UGGT2: variants seen among roughly 807,000 people sequenced by gnomAD.
UGGT2 encodes the protein UDP-glucose glycoprotein glucosyltransferase 2, also known as UDP-glucose:glycoprotein glucosyltransferase 2.
Under a neutral mutation model 192.1 loss-of-function variants are expected in UGGT2, and 180 were observed. That is an observed-to-expected ratio of 0.94 (90% CI 0.83 to 1.06). The LOEUF is 1.06. Among genes scored for constraint, UGGT2 ranks in the 50% least tolerant of loss-of-function variants. The probability of loss-of-function intolerance (pLI) is 0.00; values close to 1 mark genes in which losing one functional copy is unlikely to be tolerated. For synonymous variants in UGGT2, 580 were observed against 591.0 expected (o/e 0.98, Z 0.27); for missense variants, 1,849 against 1,795.7 (o/e 1.03, Z -0.54).
At chr13:95,932,354 T>A (rs1215736066) in intron 17 of UGGT2, among the ~76,000 whole-genome samples, 1 of 147,620 alleles carries the variant, frequency 6.8e-6, no homozygotes, top group Non-Finnish European at 1.5e-5. Context: ...TGTGTGTGTA[T>A]GGCTATTGTA....
chr13:95,839,422 A>T (rs1173817798), intron 36 of UGGT2, among the ~76,000 whole-genome samples: 2 of 152,228 alleles, frequency 1.3e-5, no homozygotes, highest in Non-Finnish European at 2.9e-5. Flanking sequence ...GGCTTCTGTC[A>T]GCACAATGTT....
At chr13:96,032,279 T>C (rs1427824312) in intron 1 of UGGT2, among the ~76,000 whole-genome samples, 1 of 152,046 alleles carries the variant, frequency 6.6e-6, no homozygotes, top group Non-Finnish European at 1.5e-5. Context: ...TCTTGCCATA[T>C]GAAATGCCAC....
In UGGT2 at chr13:95,970,241, T is replaced by C. The variant is rs2050729318; in HGVS notation, c.1206A>G (p.Leu402=). 6.2e-7 allele frequency: 1 copy of C among 1,612,656 alleles called. No individual in the cohort carries two copies. The highest frequency in any genetic ancestry group is 8.5e-7 in the Non-Finnish European group (1 of 1,179,162). ...GAAGGCCATTCATCATTTTTCCTTC[T>C]AATTTCAGCATATCCAAAATACTAT... The part of the protein sequence containing the change: ...DAFSILDMLK[L]EGKMMNGLRN... The change falls in exon 12 of 39, where the codon TTA becomes TTG. Residue 402 remains leucine (L), a synonymous_variant. Coordinates refer to ENST00000376747, the MANE Select transcript of UGGT2 (RefSeq NM_020121.4).
At chr13:96,053,056 C>G in intron 1 of UGGT2, 99 bp downstream of exon 1, 4 of 1,376,902 alleles carry the variant, frequency 2.9e-6, no homozygotes, top group Admixed American at 3.4e-5. Context: ...CTGGAGAACC[C>G]GGGTGGGAGC....
At chr13:95,972,456 T>C in intron 11 of UGGT2, 124 bp downstream of exon 11, 2 of 906,842 alleles carry the variant, frequency 2.2e-6, no homozygotes, top group Non-Finnish European at 3.3e-6. Flanking sequence ...AAAGCTGTTT[T>C]GTACAATCAA....
intron 20 of UGGT2, among the ~76,000 whole-genome samples, chr13:95,922,383 C>A (rs755083243): frequency 6.6e-6 from 1 of 152,286 alleles, no homozygotes; most frequent in African/African-American, 2.4e-5. Flanking sequence ...AGAACAGAAT[C>A]ATTAGAAGCT....
intron 12 of UGGT2, among the ~76,000 whole-genome samples, chr13:95,959,414 T>A (rs2050317146): frequency 1.3e-5 from 2 of 152,094 alleles, no homozygotes; most frequent in Admixed American, 6.5e-5. Flanking sequence ...CGGTGGATCA[T>A]CCCGCTCCCC....
intron 4 of UGGT2, among the ~76,000 whole-genome samples, chr13:96,016,869 C>G: frequency 6.6e-6 from 1 of 152,174 alleles, no homozygotes; most frequent in East Asian, 1.9e-4. Context: ...GGTACTCAAC[C>G]CCAACCCATG....
intron 9 of UGGT2, among the ~76,000 whole-genome samples, chr13:95,985,960 T>C (rs987358990): frequency 4.6e-5 from 7 of 152,156 alleles, no homozygotes; most frequent in African/African-American, 1.2e-4. Flanking sequence ...ACTTTGGGCA[T>C]AGACCTCCTA....
chr13:95,909,422 A>T (rs1336695931), intron 20 of UGGT2, among the ~76,000 whole-genome samples: 1 of 151,766 alleles, frequency 6.6e-6, no homozygotes, highest in Non-Finnish European at 1.5e-5. Flanking sequence ...CTATGCAGCC[A>T]TAAAAAATGA....
Position 95,939,999 on chromosome 13 carries a change from C to T in UGGT2, c.1770G>A (p.Trp590Ter), listed in dbSNP as rs1033336424. ...ATTTAGAATGAATTCCCAAAATATC[C>T]CAAATATTAGCATGAGGAAATGTAT... The part of the protein sequence containing the change: ...LQNTFPHANI[W>*]DILGIHSKYD... Residue 590 changes from tryptophan to a stop codon, truncating the protein, a stop_gained, in exon 16 of 39, where the codon TGG becomes TGA. Coordinates refer to ENST00000376747, the MANE Select transcript of UGGT2 (RefSeq NM_020121.4). LOFTEE classifies it high-confidence loss of function. The T allele has an allele frequency of 6.2e-7, 1 of 1,601,510 alleles. No homozygotes were observed. The highest frequency in any genetic ancestry group is 2.3e-5 in the East Asian group (1 of 43,764).
Position 95,949,358 on chromosome 13 carries a change from T to C in UGGT2, c.1432A>G (p.Ile478Val), listed in dbSNP as rs369337575. ...ACCAAATTATGAAAATTGCGCCTTA[T>C]GGAAGGTACACTTCCAGGAAATACT... The part of the protein sequence containing the change: ...KPVFPGSVPS[I>V]RRNFHNLVLF... Residue 478 changes from isoleucine to valine, a missense_variant, in exon 13 of 39, where the codon ATA (isoleucine) becomes GTA (valine). Ile to Val is a conservative substitution (Grantham distance 29, BLOSUM62 3). Transcript: ENST00000376747. 101 of 1,568,502 alleles carry C rather than the reference T, an allele frequency of 6.4e-5. No individual in the cohort carries two copies. The highest frequency in any genetic ancestry group is 8.4e-5 in the Non-Finnish European group (97 of 1,156,628).
intron 27 of UGGT2, among the ~76,000 whole-genome samples, chr13:95,881,092 T>A (rs9561968): frequency 0.099 from 15,028 of 152,076 alleles, 1,014 homozygotes; most frequent in East Asian, 0.34. Context: ...GAGAATGGCA[T>A]GAACCCGGGA....
chr13:95,828,785 T>C (rs1482277564), intron 38 of UGGT2, among the ~76,000 whole-genome samples: 3 of 152,014 alleles, frequency 2.0e-5, no homozygotes, highest in East Asian at 1.9e-4. Flanking sequence ...TTCCAATTAA[T>C]AGAAAAAGAG....
intron 32 of UGGT2, 134 bp from the exon 33 acceptor site, chr13:95,859,809 C>T (rs1409763195): frequency 8.6e-6 from 5 of 584,336 alleles, no homozygotes; most frequent in Non-Finnish European, 1.4e-5. Context: ...GATACATGTG[C>T]AGAACATACA....
intron 27 of UGGT2, among the ~76,000 whole-genome samples, chr13:95,881,526 T>C (rs1001871839): frequency 6.6e-6 from 1 of 151,122 alleles, no homozygotes; most frequent in African/African-American, 2.4e-5. Flanking sequence ...ACAGTATTAT[T>C]TAGGATCTAT....
In UGGT2 at chr13:95,860,891, TA is replaced by T; in HGVS notation, c.3645-9del. The T allele has an allele frequency of 1.3e-6, 2 of 1,523,846 alleles. No homozygotes were observed. Among genetic ancestry groups the T allele is most frequent in the Non-Finnish European group, 1.8e-6 (2 of 1,130,822 alleles). 94.4% of individuals were successfully genotyped at this position (1,523,846 alleles called of 1,614,324 possible). ...TGCAAGCTTACTGTGAAACTTGGAA[TA>T]AAAAAGTAATTGACATTTCTTAAAC... is the stretch of plus-strand genomic sequence containing the variant. On this transcript the variant is annotated splice_polypyrimidine_tract_variant and intron_variant, in intron 31 of 38. Transcript: ENST00000376747.
chr13:95,836,055 G>A (rs965945313), intron 37 of UGGT2, among the ~76,000 whole-genome samples: 1 of 146,872 alleles, frequency 6.8e-6, no homozygotes, highest in Admixed American at 6.6e-5. Context: ...TTTTTTGTTT[G>A]TTTGTTTTTT....
At chr13:95,888,979 G>A (rs1432844724) in intron 25 of UGGT2, among the ~76,000 whole-genome samples, 1 of 151,770 alleles carries the variant, frequency 6.6e-6, no homozygotes, top group East Asian at 1.9e-4. Flanking sequence ...CATCATGTTT[G>A]ACTAATTTAT....
Sources: allele counts gnomAD v4.1 joint callset (sites outside exome capture counted in the v4.1 genomes callset), GRCh38; gene constraint gnomAD v4.1.1; transcripts MANE v1.5; gene names NCBI Gene and HGNC (gene_info 2026-07-23, HGNC 2026-07-21).